PRSS23: variants seen among roughly 807,000 people sequenced by gnomAD.
PRSS23 encodes the protein serine protease 23, also known as protease, serine 23.
PRSS23 carries 25 observed loss-of-function variants against 34.7 expected under a neutral mutation model. The ratio of observed to expected loss-of-function variants is 0.72; its 90% CI spans 0.53 to 1.01. The LOEUF (loss-of-function observed/expected upper bound fraction) is 1.01, where lower values mean the gene tolerates loss of function less well. Among genes scored for constraint, PRSS23 ranks in the 50% least tolerant of loss-of-function variants. The probability of loss-of-function intolerance (pLI) is 0.00; values close to 1 mark genes in which losing one functional copy is unlikely to be tolerated. For missense variants in PRSS23, 445 were observed against 475.6 expected (o/e 0.94, Z 0.60); for synonymous variants, 176 against 186.6 (o/e 0.94, Z 0.46).
chr11:86,880,024 G>T (rs1463994197), intron 2 of PRSS23, among the ~76,000 whole-genome samples: 2 of 152,142 alleles, frequency 1.3e-5, no homozygotes, highest in Non-Finnish European at 2.9e-5. Flanking sequence ...GCGGGGAAAG[G>T]ATTGAGAAAT....
intron 2 of PRSS23, among the ~76,000 whole-genome samples, chr11:86,907,411 G>T (rs771031777): frequency 6.6e-6 from 1 of 152,016 alleles, no homozygotes; most frequent in Non-Finnish European, 1.5e-5. Context: ...CTTTTCTATA[G>T]GGAACTTTTT....
At chr11:86,847,326 C>G (rs1212082891) in intron 2 of PRSS23, among the ~76,000 whole-genome samples, 1 of 152,196 alleles carries the variant, frequency 6.6e-6, no homozygotes, top group Non-Finnish European at 1.5e-5. Context: ...CAACCCAGGC[C>G]TTGCCACCCT....
At chr11:86,842,387 C>T (rs564599608) in intron 2 of PRSS23, among the ~76,000 whole-genome samples, 19 of 152,318 alleles carry the variant, frequency 1.2e-4, no homozygotes, top group African/African-American at 4.6e-4. Context: ...CAACGATGGC[C>T]TCTCTCACCA....
chr11:86,825,158 T>G lies in PRSS23; in HGVS notation c.206+1565T>G, dbSNP rs565521132. ...CAGCACCTGTTGTTTCCTGACTTTT[T>G]AATGATTGCCATTCTAACTGGTGTG... On this transcript the variant is annotated intron_variant, in intron 2 of 2. Transcript: ENST00000533902. Among the ~76,000 whole-genome samples, 225 of 151,984 alleles carry G rather than the reference T, an allele frequency of 1.5e-3. 2 individuals carry two copies. The highest frequency in any genetic ancestry group is 6.8e-3 in the Middle Eastern group (2 of 294).
chr11:86,821,699 T>TA, intron 1 of PRSS23: 1 of 1,491,898 alleles, frequency 6.7e-7, no homozygotes, highest in Non-Finnish European at 9.3e-7. Flanking sequence ...TTCTGTTGAA[T>TA]ATACTGTTGA....
exon 3 of PRSS23, chr11:86,952,483 C>T: frequency 6.2e-7 from 1 of 1,609,798 alleles, no homozygotes; most frequent in South Asian, 1.1e-5. Flanking sequence ...GGAAAAGTAA[C>T]AAAATGAACA....
chr11:86,843,468 A>T (rs1191692703), intron 2 of PRSS23, among the ~76,000 whole-genome samples: 1 of 152,224 alleles, frequency 6.6e-6, no homozygotes, highest in African/African-American at 2.4e-5. Flanking sequence ...AGAAACTACC[A>T]TCAGAGTGAA....
intron 2 of PRSS23, among the ~76,000 whole-genome samples, chr11:86,879,496 GTGGGGGGA>G (rs1408667565): frequency 7.8e-6 from 1 of 128,406 alleles, no homozygotes; most frequent in East Asian, 2.7e-4. Flanking sequence ...CGGGAGGGAG[GTGGGGGGA>G]TCAGCCCCCC....
chr11:86,821,400 G>A (rs1373348174), intron 1 of PRSS23: 4 of 1,376,176 alleles, frequency 2.9e-6, no homozygotes, highest in Admixed American at 1.7e-5. Context: ...ACCCTGCTGG[G>A]AAAACATTGA....
intron 2 of PRSS23, among the ~76,000 whole-genome samples, chr11:86,939,882 G>GA (rs937932978): frequency 1.3e-5 from 2 of 151,888 alleles, no homozygotes; most frequent in Admixed American, 6.6e-5. Flanking sequence ...AAGAGGATTA[G>GA]AAAAAAATGT....
Position 86,944,060 on chromosome 11 carries a change from A to G in PRSS23, c.207-7156A>G, listed in dbSNP as rs148668615. 5.8e-4 allele frequency among the ~76,000 whole-genome samples: 88 copies of G among 152,122 alleles called. 2 individuals are homozygous for G. The highest frequency in any genetic ancestry group is 5.4e-3 in the Admixed American group (82 of 15,270). ...CTCGCCCATAGGAATTTATTCTTAC[A>G]CAGTTCTGGAGGTTAGAAAGCAAAG... On this transcript the variant is annotated intron_variant, in intron 2 of 2. Coordinates refer to the PRSS23 transcript ENST00000533902.
intron 2 of PRSS23, among the ~76,000 whole-genome samples, chr11:86,940,624 C>A (rs144018446): frequency 7.0e-4 from 107 of 152,298 alleles, no homozygotes; most frequent in African/African-American, 2.5e-3. Context: ...CTCCCCTGTG[C>A]TGAGCGCAGG....
chr11:86,937,222 C>T (rs546744179), intron 2 of PRSS23: 4 of 152,306 alleles, frequency 2.6e-5, no homozygotes, highest in South Asian at 2.1e-4. Flanking sequence ...ATCACAGACC[C>T]CTTCTTTGAA....
intron 2 of PRSS23, among the ~76,000 whole-genome samples, chr11:86,943,080 T>G (rs1349271492): frequency 6.6e-6 from 1 of 152,216 alleles, no homozygotes; most frequent in Non-Finnish European, 1.5e-5. Context: ...ACATTCCAGT[T>G]AGGGTCCTGG....
chr11:86,876,726 T>C (rs1384954572), intron 2 of PRSS23, among the ~76,000 whole-genome samples: 3 of 81,668 alleles, frequency 3.7e-5, no homozygotes, highest in East Asian at 4.4e-4. Context: ...ACAGTTAACA[T>C]TGCAATAAAA....
At chr11:86,930,772 A>AGAGC (rs1307783665) in intron 2 of PRSS23, among the ~76,000 whole-genome samples, 1 of 133,832 alleles carries the variant, frequency 7.5e-6, no homozygotes, top group Admixed American at 7.6e-5. Flanking sequence ...CCTGGGCGAC[A>AGAGC]GAGCGAGACT....
chr11:86,946,504 GC>G (rs1842398544), intron 2 of PRSS23: 1 of 152,278 alleles, frequency 6.6e-6, no homozygotes, highest in South Asian at 2.1e-4. Flanking sequence ...AACTGAGCTT[GC>G]CAAGGGGAAG....
intron 1 of PRSS23, among the ~76,000 whole-genome samples, chr11:86,822,537 C>T (rs1403665483): frequency 6.6e-6 from 1 of 150,828 alleles, no homozygotes; most frequent in Non-Finnish European, 1.5e-5. Context: ...GGGAGGATAG[C>T]TTGAGCCTGG....
intron 2 of PRSS23, among the ~76,000 whole-genome samples, chr11:86,940,542 C>T (rs140247721): frequency 2.0e-5 from 3 of 152,288 alleles, no homozygotes; most frequent in East Asian, 3.9e-4. Context: ...ACAGTCCACA[C>T]GGCAGACAGA....
Sources: gnomAD v4.1 joint callset for allele counts (sites outside exome capture counted in the v4.1 genomes callset) on GRCh38, gnomAD v4.1.1 for gene constraint, MANE v1.5 for transcripts, NCBI Gene and HGNC (gene_info 2026-07-23, HGNC 2026-07-21) for gene names.